Variants in TAF12 observed in about 807,000 individuals in gnomAD.
The protein encoded by TAF12 is TATA-box binding protein associated factor 12.
TAF12 carries 3 observed loss-of-function variants against 20.8 expected under a neutral mutation model. The ratio of observed to expected loss-of-function variants is 0.14; its 90% confidence interval spans 0.07 to 0.37. TAF12 has a LOEUF of 0.37. Ranked by LOEUF, TAF12 falls within the 10% of genes least tolerant of loss-of-function variation. The pLI, the probability that TAF12 is intolerant of heterozygous loss-of-function variation, is 1.00. For synonymous variants in TAF12, 69 were observed against 70.2 expected, an observed-to-expected ratio of 0.98 and a Z score of 0.09; for missense variants, 131 against 197.9, an observed-to-expected ratio of 0.66 and a Z score of 2.03.
chr1:28,648,161 T>C, intron 1 of TAF12: 11 of 985,338 alleles, frequency 1.1e-5, no homozygotes, highest in Non-Finnish European at 1.2e-5. Flanking sequence ...ACATTTTCAA[T>C]TTGGATAGGT....
At chr1:28,621,005 T>C (rs1233093046) in intron 2 of TAF12, among the ~76,000 whole-genome samples, 1 of 152,172 alleles carries the variant, frequency 6.6e-6, no homozygotes, top group African/African-American at 2.4e-5. Context: ...TAATCCTCTA[T>C]AGGACACACT....
upstream of TAF12, among the ~76,000 whole-genome samples, chr1:28,643,883 CT>C (rs1229964286): frequency 6.6e-6 from 1 of 152,008 alleles, no homozygotes; most frequent in Non-Finnish European, 1.5e-5. Flanking sequence ...AACCCCGTCT[CT>C]ACTAAAAATA....
intron 4 of TAF12, among the ~76,000 whole-genome samples, chr1:28,608,974 G>A (rs1666765394): frequency 1.3e-5 from 2 of 151,992 alleles, no homozygotes; most frequent in Non-Finnish European, 2.9e-5. Flanking sequence ...AATAAAGACA[G>A]TAGCTACCAC....
intron 1 of TAF12, among the ~76,000 whole-genome samples, chr1:28,635,042 G>A (rs1667769308): frequency 6.6e-6 from 1 of 150,928 alleles, no homozygotes; most frequent in Non-Finnish European, 1.5e-5. Flanking sequence ...GGCTAACAGG[G>A]TGAAACCTCA....
intron 5 of TAF12, among the ~76,000 whole-genome samples, 178 bp from the exon 6 acceptor site, chr1:28,603,752 C>A (rs1352483651): frequency 6.6e-6 from 1 of 152,076 alleles, no homozygotes; most frequent in Non-Finnish European, 1.5e-5. Context: ...CTGCAAGGCC[C>A]CAAGAGATGT....
At chr1:28,630,476 C>T (rs1230187161) in intron 1 of TAF12, among the ~76,000 whole-genome samples, 1 of 151,674 alleles carries the variant, frequency 6.6e-6, no homozygotes, top group African/African-American at 2.4e-5. Context: ...CGCTTGAACC[C>T]GGGAGGCGGA....
At position 28,613,185 on chromosome 1, in the gene TAF12, T is replaced by C. The variant is rs140771787; in HGVS notation, c.361+62A>G. The C allele has an allele frequency of 1.7e-5, 24 of 1,433,122 alleles. No homozygotes were observed. In the African/African-American group the frequency reaches 3.1e-4, roughly 18 times the overall value. 88.8% of individuals were successfully genotyped at this position (1,433,122 alleles called of 1,614,324 possible). On this transcript the variant is annotated intron_variant, in intron 4 of 5. Coordinates refer to ENST00000373824, the MANE Select transcript of TAF12 (RefSeq NM_005644.4). ...GCATGAAGGTTCCTCTGACTACACT[T>C]TCCCTGGCAGTCCTGAAGAAGCAGT...
At chr1:28,613,218 A>G (rs1336721221) in intron 4 of TAF12, 29 bp downstream of exon 4, 2 of 1,567,540 alleles carry the variant, frequency 1.3e-6, no homozygotes, top group South Asian at 2.4e-5. Context: ...AGTTGAATCC[A>G]TACTTCAGGG....
chr1:28,614,458 T>C (rs1053206838), intron 3 of TAF12, among the ~76,000 whole-genome samples: 1 of 150,876 alleles, frequency 6.6e-6, no homozygotes, highest in African/African-American at 2.4e-5. Context: ...CCAAGGCAGG[T>C]GGATCAACTG....
At chr1:28,636,274 G>A (rs1395802966) in intron 1 of TAF12, among the ~76,000 whole-genome samples, 1 of 152,190 alleles carries the variant, frequency 6.6e-6, no homozygotes, top group Non-Finnish European at 1.5e-5. Context: ...AACATGGGAG[G>A]ACTGTTTGAG....
intron 4 of TAF12, among the ~76,000 whole-genome samples, chr1:28,610,622 G>A (rs959397227): frequency 1.3e-5 from 2 of 151,972 alleles, no homozygotes; most frequent in African/African-American, 4.8e-5. Context: ...GCCACTAGTG[G>A]TGGTTGTAAA....
chr1:28,628,525 A>G (rs1288795624), intron 1 of TAF12, among the ~76,000 whole-genome samples: 5 of 152,094 alleles, frequency 3.3e-5, no homozygotes, highest in Non-Finnish European at 2.9e-5. Flanking sequence ...GCTAATGGGT[A>G]TACGGTTTCT....
chr1:28,605,245 C>CG, intron 5 of TAF12, 127 bp downstream of exon 5: 1 of 903,134 alleles, frequency 1.1e-6, no homozygotes, highest in Non-Finnish European at 1.8e-6. Flanking sequence ...CTGACCCTTG[C>CG]TCCAGAGAGT....
chr1:28,630,811 C>T (rs1369353632), intron 1 of TAF12, among the ~76,000 whole-genome samples: 3 of 151,774 alleles, frequency 2.0e-5, no homozygotes, highest in African/African-American at 4.8e-5. Context: ...TTTGGGAGGC[C>T]GACGTGGGCA....
At chr1:28,621,409 C>T (rs572453894) in intron 2 of TAF12, among the ~76,000 whole-genome samples, 1 of 152,186 alleles carries the variant, frequency 6.6e-6, no homozygotes, top group East Asian at 1.9e-4. Flanking sequence ...ATTGGATGAA[C>T]TAGAAGATGG....
At chr1:28,607,888 C>A (rs1228342260) in intron 4 of TAF12, among the ~76,000 whole-genome samples, 2 of 151,364 alleles carry the variant, frequency 1.3e-5, no homozygotes, top group Non-Finnish European at 2.9e-5. Context: ...TGTAATCCCA[C>A]CACTTTGGGA....
At chr1:28,631,259 C>A (rs1158535472) in intron 1 of TAF12, among the ~76,000 whole-genome samples, 1 of 151,770 alleles carries the variant, frequency 6.6e-6, no homozygotes, top group African/African-American at 2.4e-5. Flanking sequence ...TGGTGGCTCA[C>A]GCCTGTAATC....
At chr1:28,632,153 A>C (rs1456150236) in intron 1 of TAF12, among the ~76,000 whole-genome samples, 1 of 152,144 alleles carries the variant, frequency 6.6e-6, no homozygotes, top group African/African-American at 2.4e-5. Context: ...AATAGAAAGG[A>C]AAGGCCAGGT....
chr1:28,611,816 A>C (rs1666870299), intron 4 of TAF12, among the ~76,000 whole-genome samples: 1 of 152,096 alleles, frequency 6.6e-6, no homozygotes, highest in East Asian at 1.9e-4. Flanking sequence ...AGCCCTAGGA[A>C]ACTAGTATGC....
Sources: gnomAD v4.1 joint callset for allele counts (sites outside exome capture counted in the v4.1 genomes callset) on GRCh38, gnomAD v4.1.1 for gene constraint, MANE v1.5 for transcripts, NCBI Gene and HGNC (gene_info 2026-07-23, HGNC 2026-07-21) for gene names.